STXBP5L: variants seen among roughly 807,000 people sequenced by gnomAD.
The protein encoded by STXBP5L is syntaxin-binding protein 5-like.
A neutral mutation model predicts 144.5 loss-of-function variants in STXBP5L; 65 were observed. That is an observed-to-expected ratio of 0.45 (90% CI 0.37 to 0.55). STXBP5L has a LOEUF of 0.55. Among genes scored for constraint, STXBP5L ranks in the 20% least tolerant of loss-of-function variants. STXBP5L has a pLI of 0.00. For synonymous variants in STXBP5L, 505 were observed against 469.6 expected (o/e 1.08, Z -0.97); for missense variants, 1,298 against 1,405.5 (o/e 0.92, Z 1.22).
chr3:121,141,607 T>A (rs372486120), intron 7 of STXBP5L, among the ~76,000 whole-genome samples: 2 of 152,120 alleles, frequency 1.3e-5, no homozygotes, highest in Non-Finnish European at 2.9e-5. Context: ...TATAAGTAGA[T>A]GAAAATTGTG....
chr3:121,345,795 C>T lies in STXBP5L; in HGVS notation c.2176+27255C>T, dbSNP rs528439819. ...CATTTTCTCATGTGTCTGTTGGCTG[C>T]ATAGAAGTCTTCTTTTTTTATATAG... On this transcript the variant is annotated intron_variant, in intron 20 of 26. Transcript: ENST00000471454. Among the ~76,000 whole-genome samples, 32 of 152,132 alleles carry T rather than the reference C, an allele frequency of 2.1e-4. No homozygotes were observed. In the South Asian group the frequency reaches 6.0e-3, roughly 29 times the overall value.
intron 21 of STXBP5L, among the ~76,000 whole-genome samples, chr3:121,380,640 A>G (rs535251308): frequency 6.6e-6 from 1 of 152,166 alleles, no homozygotes; most frequent in African/African-American, 2.4e-5. Context: ...GATTACCACT[A>G]TCAACAGGAT....
rs187031469 is a variant in STXBP5L, at chr3:121,097,198, C to A, written c.471-17727C>A. On this transcript the variant is annotated intron_variant, in intron 5 of 26. Transcript: ENST00000471454. ...CCTCCCCACACCAAGCTCAATTGTC[C>A]CAGGTTGATCTCTGACTGCTGTTGT... 2.6e-5 allele frequency among the ~76,000 whole-genome samples: 4 copies of A among 152,272 alleles called. No individual in the cohort carries two copies. In the East Asian group the frequency reaches 7.8e-4, roughly 30 times the overall value.
intron 19 of STXBP5L, among the ~76,000 whole-genome samples, chr3:121,301,170 T>G (rs1366362198): frequency 6.6e-6 from 1 of 152,360 alleles, no homozygotes; most frequent in South Asian, 2.1e-4. Context: ...TGATTCTTCC[T>G]ACCCATGAGC....
At chr3:121,228,570 T>C (rs1399524114) in intron 11 of STXBP5L, among the ~76,000 whole-genome samples, 1 of 152,208 alleles carries the variant, frequency 6.6e-6, no homozygotes, top group Non-Finnish European at 1.5e-5. Context: ...CTTGCAATCT[T>C]ACTAAAAGCA....
chr3:121,339,034 C>T (rs1356112159), intron 20 of STXBP5L, among the ~76,000 whole-genome samples: 2 of 152,076 alleles, frequency 1.3e-5, no homozygotes, highest in Non-Finnish European at 2.9e-5. Flanking sequence ...GGAATCCTTC[C>T]TAACTCATTC....
intron 5 of STXBP5L, among the ~76,000 whole-genome samples, chr3:121,052,816 G>T (rs1164580725): frequency 2.0e-5 from 3 of 152,180 alleles, no homozygotes; most frequent in Non-Finnish European, 4.4e-5. Flanking sequence ...GTCCCTGTTT[G>T]CAGATGACAT....
At chr3:121,360,282 A>G (rs1002459427) in intron 20 of STXBP5L, among the ~76,000 whole-genome samples, 3 of 151,482 alleles carry the variant, frequency 2.0e-5, no homozygotes, top group African/African-American at 7.3e-5. Context: ...TTTTTAGTCA[A>G]CATGTGTCTT....
intron 20 of STXBP5L, among the ~76,000 whole-genome samples, chr3:121,349,841 C>T (rs1379218472): frequency 6.6e-6 from 1 of 151,988 alleles, no homozygotes; most frequent in Non-Finnish European, 1.5e-5. Context: ...TTATTTTGAG[C>T]CTATGTCTGT....
chr3:121,126,487 C>T (rs1233565796), intron 7 of STXBP5L, among the ~76,000 whole-genome samples: 1 of 152,142 alleles, frequency 6.6e-6, no homozygotes, highest in Admixed American at 6.6e-5. Context: ...GAATTAAACT[C>T]TTCCATGCAG....
At chr3:120,980,678 G>T (rs1941675339) in intron 3 of STXBP5L, among the ~76,000 whole-genome samples, 2 of 152,116 alleles carry the variant, frequency 1.3e-5, no homozygotes, top group Admixed American at 6.6e-5. Flanking sequence ...TATCTTTCAA[G>T]TTAGGCATTT....
At chr3:121,065,276 C>G (rs1030625847) in intron 5 of STXBP5L, among the ~76,000 whole-genome samples, 1 of 152,038 alleles carries the variant, frequency 6.6e-6, no homozygotes, top group Non-Finnish European at 1.5e-5. Flanking sequence ...ATTGCTGGGT[C>G]AAATGTTTGC....
intron 5 of STXBP5L, among the ~76,000 whole-genome samples, chr3:121,056,430 A>G (rs1363371095): frequency 2.6e-5 from 4 of 152,160 alleles, no homozygotes; most frequent in Non-Finnish European, 4.4e-5. Context: ...ACTTACTATC[A>G]GAGAATTTCT....
At chr3:121,299,513 G>T (rs1382135870) in intron 19 of STXBP5L, among the ~76,000 whole-genome samples, 1 of 151,914 alleles carries the variant, frequency 6.6e-6, no homozygotes, top group Non-Finnish European at 1.5e-5. Flanking sequence ...ACAGCACTAG[G>T]AACTATCAGT....
At chr3:121,187,228 A>T (rs551745272) in intron 9 of STXBP5L, among the ~76,000 whole-genome samples, 53 of 152,334 alleles carry the variant, frequency 3.5e-4, no homozygotes, top group African/African-American at 1.2e-3. Flanking sequence ...GCCATAAAAA[A>T]TGATGAGTTC....
intron 19 of STXBP5L, among the ~76,000 whole-genome samples, chr3:121,296,708 A>G (rs949121145): frequency 2.6e-5 from 4 of 151,814 alleles, no homozygotes; most frequent in African/African-American, 9.7e-5. Flanking sequence ...AGATAGACAG[A>G]CTGAAAGGAA....
intron 3 of STXBP5L, among the ~76,000 whole-genome samples, chr3:121,000,393 A>G (rs1445036679): frequency 2.0e-5 from 3 of 152,186 alleles, no homozygotes; most frequent in African/African-American, 7.2e-5. Flanking sequence ...TGAACTTAGT[A>G]TATTCTGCTG....
At chr3:121,092,917 A>T (rs2107741911) in intron 5 of STXBP5L, among the ~76,000 whole-genome samples, 1 of 152,274 alleles carries the variant, frequency 6.6e-6, no homozygotes, top group Non-Finnish European at 1.5e-5. Flanking sequence ...TTTGTCATAG[A>T]TAGCTGTTAT....
In STXBP5L at chr3:121,029,929, G is replaced by T. The variant is rs373614207; in HGVS notation, c.288-11771G>T. On this transcript the variant is annotated intron_variant, in intron 3 of 26. Transcript: ENST00000471454. ...GAGGCCCACATACATATGAAAAAAA[G>T]CTCATCATCGCTGGTCATTAGAGAA... Among the ~76,000 whole-genome samples, 6 of 152,004 alleles carry T rather than the reference G, an allele frequency of 3.9e-5. No homozygotes were observed. The East Asian group carries it at 9.6e-4, about 24-fold the overall frequency.
Sources: allele counts gnomAD v4.1 joint callset (sites outside exome capture counted in the v4.1 genomes callset), GRCh38; gene constraint gnomAD v4.1.1; transcripts MANE v1.5; gene names NCBI Gene and HGNC (gene_info 2026-07-23, HGNC 2026-07-21).